The following CNTN1 variants were observed in gnomAD, a reference collection of about 807,000 sequenced individuals.
The protein encoded by CNTN1 is contactin 1, also known as contactin-1.
Under a neutral mutation model 126.4 loss-of-function variants are expected in CNTN1, and 38 were observed. That is an observed-to-expected ratio of 0.30 (90% CI 0.23 to 0.39). The LOEUF (loss-of-function observed/expected upper bound fraction) is 0.39, where lower values mean the gene tolerates loss of function less well. CNTN1 is among the 10% of genes least tolerant of loss of function. CNTN1 has a pLI of 1.00. For missense variants in CNTN1, 1,009 were observed against 1,248.4 expected (o/e 0.81, Z 2.89); for synonymous variants, 413 against 422.6 (o/e 0.98, Z 0.28).
intron 19 of CNTN1, among the ~76,000 whole-genome samples, chr12:41,018,458 T>C (rs569793396): frequency 6.6e-6 from 1 of 152,178 alleles, no homozygotes; most frequent in East Asian, 1.9e-4. Context: ...TAATATATAA[T>C]TAAATCATCC....
At chr12:40,987,605 G>C (rs278915) in intron 16 of CNTN1, among the ~76,000 whole-genome samples, 91,700 of 152,062 alleles carry the variant, frequency 0.6, 27,851 homozygotes, top group Admixed American at 0.63. Flanking sequence ...AATAGATTAT[G>C]CAACATGAAG....
intron 1 of CNTN1, among the ~76,000 whole-genome samples, chr12:40,818,969 C>T (rs1035278452): frequency 1.3e-5 from 2 of 152,088 alleles, no homozygotes; most frequent in African/African-American, 4.8e-5. Context: ...GCCGGGGGTT[C>T]GCTTCAGGCC....
At chr12:40,891,641 ACT>A (rs1332945714) in intron 1 of CNTN1, among the ~76,000 whole-genome samples, 2 of 152,048 alleles carry the variant, frequency 1.3e-5, no homozygotes, top group African/African-American at 4.8e-5. Flanking sequence ...TGTTGAAATG[ACT>A]GTTTCTTAAT....
intron 1 of CNTN1, among the ~76,000 whole-genome samples, chr12:40,783,233 T>G (rs1367173677): frequency 1.3e-5 from 2 of 151,974 alleles, no homozygotes; most frequent in Non-Finnish European, 2.9e-5. Context: ...AGTGGGTGAT[T>G]TCTCTGAAAG....
intron 1 of CNTN1, among the ~76,000 whole-genome samples, chr12:40,749,803 T>TG (rs1430252231): frequency 3.0e-4 from 29 of 96,548 alleles, no homozygotes; most frequent in South Asian, 6.6e-4. Context: ...GCAATAGGTG[T>TG]TGTGCAGGGC....
At chr12:40,720,757 T>C (rs1410334661) in intron 1 of CNTN1, among the ~76,000 whole-genome samples, 3 of 151,954 alleles carry the variant, frequency 2.0e-5, no homozygotes, top group Non-Finnish European at 4.4e-5. Flanking sequence ...TGAAACCCTG[T>C]CTCTACTAAA....
intron 1 of CNTN1, among the ~76,000 whole-genome samples, chr12:40,826,577 C>T (rs527549774): frequency 1.3e-5 from 2 of 152,242 alleles, no homozygotes; most frequent in South Asian, 4.1e-4. Flanking sequence ...CTCTATGGCT[C>T]AGCAGGGATT....
chr12:40,724,746 G>T (rs544934905), intron 1 of CNTN1, among the ~76,000 whole-genome samples: 2 of 152,226 alleles, frequency 1.3e-5, no homozygotes, highest in East Asian at 3.9e-4. Flanking sequence ...AAGGATTTTT[G>T]AATTTATTAT....
intron 1 of CNTN1, among the ~76,000 whole-genome samples, chr12:40,705,298 G>A (rs1057071785): frequency 8.5e-5 from 13 of 152,104 alleles, no homozygotes; most frequent in African/African-American, 2.9e-4. Context: ...GCTTGCAGTT[G>A]ACACCACTAT....
intron 1 of CNTN1, among the ~76,000 whole-genome samples, chr12:40,749,945 T>C (rs1938340289): frequency 6.6e-6 from 1 of 152,024 alleles, no homozygotes; most frequent in Non-Finnish European, 1.5e-5. Context: ...GAAGGAGTGA[T>C]CCACTGTCTC....
At chr12:40,972,079 T>C (rs1463738818) in intron 15 of CNTN1, 17 of 985,588 alleles carry the variant, frequency 1.7e-5, no homozygotes, top group East Asian at 1.1e-4. Context: ...CATGGCTCTG[T>C]AGGGTTTTTG....
intron 1 of CNTN1, among the ~76,000 whole-genome samples, chr12:40,701,245 C>T (rs939789202): frequency 6.6e-6 from 1 of 152,132 alleles, no homozygotes; most frequent in Non-Finnish European, 1.5e-5. Flanking sequence ...TCTTTCACTA[C>T]AGTAATTTAC....
Position 40,822,148 on chromosome 12 carries a change from C to CTTTTTTTTTTTTTTTTT in CNTN1, c.-76-86201_-76-86185dup, listed in dbSNP as rs777953120. Among the ~76,000 whole-genome samples the CTTTTTTTTTTTTTTTTT allele has an allele frequency of 2.3e-3, 110 of 47,264 alleles. 19 individuals carry two copies. The highest frequency in any genetic ancestry group is 3.2e-3 in the Non-Finnish European group (75 of 23,476). 31.0% of individuals were successfully genotyped at this position (47,264 alleles called of 152,430 possible). A position where few individuals can be genotyped will look rare whatever the true frequency, so the allele number is the denominator to read the frequency against. On this transcript the variant is annotated intron_variant, in intron 1 of 23. Coordinates refer to ENST00000551295, the MANE Select transcript of CNTN1 (RefSeq NM_001843.4). ...TTTCCAGTCTAGACAAAATATAAATCTTTTTTTTTTTTTTTTTTTTTTTTG... is the reference window on the plus strand; with the variant it reads ...TTTCCAGTCTAGACAAAATATAAATCTTTTTTTTTTTTTTTTTTTTTTTTTTTTTTTTTTTTTTTTTG...
chr12:40,741,394 C>A (rs1937938627), intron 1 of CNTN1, among the ~76,000 whole-genome samples: 1 of 151,968 alleles, frequency 6.6e-6, no homozygotes, highest in Non-Finnish European at 1.5e-5. Context: ...AGGAAGCTTC[C>A]CTCATCTTTT....
intron 23 of CNTN1, among the ~76,000 whole-genome samples, chr12:41,067,203 A>G (rs1592490431): frequency 6.6e-6 from 1 of 152,224 alleles, no homozygotes; most frequent in Non-Finnish European, 1.5e-5. Context: ...TTGAGCCATT[A>G]GAGAAATTAA....
intron 17 of CNTN1, among the ~76,000 whole-genome samples, chr12:41,013,545 T>A (rs1240447058): frequency 2.0e-5 from 3 of 150,932 alleles, no homozygotes; most frequent in Non-Finnish European, 3.0e-5. Flanking sequence ...AAAAAAAAAA[T>A]AGCCATATAT....
intron 14 of CNTN1, among the ~76,000 whole-genome samples, chr12:40,955,624 ATATTTGT>A (rs1946849573): frequency 6.6e-6 from 1 of 152,148 alleles, no homozygotes; most frequent in Non-Finnish European, 1.5e-5. Flanking sequence ...TATCTATTCA[ATATTTGT>A]TGAATTCTCT....
chr12:40,857,335 A>G (rs1351256771), intron 1 of CNTN1, among the ~76,000 whole-genome samples: 1 of 152,130 alleles, frequency 6.6e-6, no homozygotes, highest in African/African-American at 2.4e-5. Flanking sequence ...GCTGTTGAAA[A>G]TAGCAAAGGC....
intron 1 of CNTN1, among the ~76,000 whole-genome samples, chr12:40,761,748 TTG>T (rs1487786042): frequency 3.3e-5 from 5 of 152,150 alleles, no homozygotes; most frequent in Non-Finnish European, 5.9e-5. Context: ...TGGGGACTGT[TTG>T]TGTCTTCAGT....
Sources: gnomAD v4.1 joint callset for allele counts (sites outside exome capture counted in the v4.1 genomes callset) on GRCh38, gnomAD v4.1.1 for gene constraint, MANE v1.5 for transcripts, NCBI Gene and HGNC (gene_info 2026-07-23, HGNC 2026-07-21) for gene names.